The following STAU2 variants were observed in gnomAD, a reference collection of about 807,000 sequenced individuals.
STAU2 encodes the protein double-stranded RNA-binding protein Staufen homolog 2.
A neutral mutation model predicts 65.9 loss-of-function variants in STAU2; 20 were observed. The observed-to-expected ratio is 0.30, with a 90% CI of 0.21 to 0.44. The LOEUF is 0.44. Among genes scored for constraint, STAU2 ranks in the 20% least tolerant of loss-of-function variants. The pLI, the probability that STAU2 is intolerant of heterozygous loss-of-function variation, is 1.00. For missense variants in STAU2, 558 were observed against 683.9 expected, an observed-to-expected ratio of 0.82 and a Z score of 2.05; for synonymous variants, 232 against 233.9, an observed-to-expected ratio of 0.99 and a Z score of 0.07.
chr8:73,655,326 T>C (rs1308267262), intron 6 of STAU2, among the ~76,000 whole-genome samples: 4 of 152,220 alleles, frequency 2.6e-5, no homozygotes, highest in African/African-American at 9.6e-5. Flanking sequence ...TGAACTATCA[T>C]AGCAAGCTGA....
chr8:73,703,064 G>C (rs568941856), intron 4 of STAU2, among the ~76,000 whole-genome samples: 1 of 152,170 alleles, frequency 6.6e-6, no homozygotes, highest in Non-Finnish European at 1.5e-5. Flanking sequence ...AAATAAAATA[G>C]AGAAAGAGAA....
At chr8:73,472,953 G>A (rs983630986) in intron 13 of STAU2, among the ~76,000 whole-genome samples, 10 of 152,110 alleles carry the variant, frequency 6.6e-5, no homozygotes, top group Admixed American at 3.3e-4. Context: ...TTATGAAGGG[G>A]AAATGACTCA....
At chr8:73,471,750 G>A (rs1046630727) in intron 13 of STAU2, among the ~76,000 whole-genome samples, 19 of 144,462 alleles carry the variant, frequency 1.3e-4, no homozygotes, top group Non-Finnish European at 2.4e-4. Flanking sequence ...CCTGGGAGGC[G>A]GAGGTTGTAG....
rs559969547 is a variant in STAU2 at position 73,421,324 on chromosome 8, C to T, written c.*48G>A. ...CTGAACACAGACACCCTCATGCGTGCTGACAGGTTTATAAGGATGCGGTGG... is the reference window on the plus strand; with the variant it reads ...CTGAACACAGACACCCTCATGCGTGTTGACAGGTTTATAAGGATGCGGTGG... On this transcript the variant is annotated 3_prime_UTR_variant, in exon 15 of 15. Transcript: ENST00000524300. The T allele has an allele frequency of 1.3e-6, 2 of 1,488,456 alleles. No individual in the cohort carries two copies. Among genetic ancestry groups the T allele is most frequent in the African/African-American group, 2.8e-5 (2 of 72,128 alleles). The allele number at this position is 1,488,456 out of a possible 1,614,324, so 92.2% of individuals were successfully genotyped here. A position where few individuals can be genotyped will look rare whatever the true frequency, so the allele number is the denominator to read the frequency against.
intron 9 of STAU2, 45 bp downstream of exon 9, chr8:73,613,699 T>C: frequency 6.9e-7 from 1 of 1,452,186 alleles, no homozygotes; most frequent in Non-Finnish European, 9.4e-7. Context: ...GCTACTATAA[T>C]ATTTATTTAG....
At chr8:73,508,433 C>T (rs1822191313) in intron 13 of STAU2, among the ~76,000 whole-genome samples, 1 of 152,134 alleles carries the variant, frequency 6.6e-6, no homozygotes, top group Non-Finnish European at 1.5e-5. Flanking sequence ...TTATAAAGTT[C>T]ACCATCTTAT....
In STAU2 at chr8:73,460,870, G is replaced by A. The variant is rs141026313; in HGVS notation, c.1531-38168C>T. Reference sequence around the variant, plus strand: ...CTTCAGATTTCTCATACGCTTCTGAGAGCAATTCATTCCAATGGTTTAGCC... The same window carrying A: ...CTTCAGATTTCTCATACGCTTCTGAAAGCAATTCATTCCAATGGTTTAGCC... On this transcript the variant is annotated intron_variant, in intron 13 of 14. Coordinates refer to ENST00000524300, the MANE Select transcript of STAU2 (RefSeq NM_001164380.2). Among the ~76,000 whole-genome samples, 1,243 of 152,256 alleles carry A rather than the reference G, an allele frequency of 8.2e-3. 23 individuals are homozygous for A. Among genetic ancestry groups the A allele is most frequent in the African/African-American group, 0.028 (1,152 of 41,524 alleles).
At chr8:73,713,165 A>C (rs1821013915) in intron 3 of STAU2, among the ~76,000 whole-genome samples, 1 of 152,242 alleles carries the variant, frequency 6.6e-6, no homozygotes, top group South Asian at 2.1e-4. Context: ...CACTGGTAAA[A>C]TACATATTTA....
At chr8:73,637,789 C>T (rs1465612992) in intron 6 of STAU2, among the ~76,000 whole-genome samples, 1 of 151,838 alleles carries the variant, frequency 6.6e-6, no homozygotes, top group East Asian at 1.9e-4. Context: ...AAATTCAAGA[C>T]CTTTTTCTCT....
rs1032582133 is a variant in STAU2, at chr8:73,549,413, C to T, written c.1530+2599G>A. 3.9e-5 allele frequency among the ~76,000 whole-genome samples: 6 copies of T among 152,184 alleles called. 1 individual carries two copies. Among genetic ancestry groups the T allele is most frequent in the Admixed American group, 1.3e-4 (2 of 15,286 alleles). ...GAACTGCTGAGAATGTGTAAGTGTT[C>T]GGTCACATTCTGCTCTCTTAAGTCA... On this transcript the variant is annotated intron_variant, in intron 13 of 14. Transcript: ENST00000524300.
At chr8:73,440,257 C>T (rs897786749) in intron 13 of STAU2, 3 of 152,222 alleles carry the variant, frequency 2.0e-5, no homozygotes, top group Admixed American at 2.0e-4. Flanking sequence ...GCTTAAATCC[C>T]TTAGAAATAC....
chr8:73,521,849 T>C (rs1393820127), intron 13 of STAU2, among the ~76,000 whole-genome samples: 1 of 152,238 alleles, frequency 6.6e-6, no homozygotes, highest in African/African-American at 2.4e-5. Flanking sequence ...ATTTGTAATA[T>C]ATGAAATATG....
intron 13 of STAU2, among the ~76,000 whole-genome samples, chr8:73,545,294 G>A (rs948895058): frequency 2.0e-5 from 3 of 152,050 alleles, no homozygotes; most frequent in African/African-American, 7.3e-5. Context: ...GTCTTGCTCT[G>A]TCTGTTGTCC....
intron 6 of STAU2, among the ~76,000 whole-genome samples, chr8:73,622,317 A>G (rs954359086): frequency 1.2e-4 from 18 of 151,538 alleles, no homozygotes; most frequent in African/African-American, 7.3e-5. Flanking sequence ...TAGTAGAGAC[A>G]GGGTTTCACT....
At chr8:73,630,422 G>C (rs888159826) in intron 6 of STAU2, among the ~76,000 whole-genome samples, 1 of 152,208 alleles carries the variant, frequency 6.6e-6, no homozygotes, top group African/African-American at 2.4e-5. Flanking sequence ...ACCACACATA[G>C]GAAGAGGCTG....
At chr8:73,671,862 CTAA>C (rs1817705808) in intron 6 of STAU2, among the ~76,000 whole-genome samples, 1 of 151,922 alleles carries the variant, frequency 6.6e-6, no homozygotes, top group Non-Finnish European at 1.5e-5. Context: ...CCCATCTCTA[CTAA>C]AATACAAAAA....
At chr8:73,660,630 C>T (rs1041860030) in intron 6 of STAU2, among the ~76,000 whole-genome samples, 1 of 152,288 alleles carries the variant, frequency 6.6e-6, no homozygotes, top group Admixed American at 6.5e-5. Flanking sequence ...GCTTGAATGG[C>T]TATCAAGCTA....
rs765280495 is a variant in STAU2 at position 73,646,371 on chromosome 8, G to A, written c.410+26736C>T. On this transcript the variant is annotated intron_variant, in intron 6 of 14. Coordinates refer to ENST00000524300, the MANE Select transcript of STAU2 (RefSeq NM_001164380.2). ...TCAGTAATAACACTGTGAGGAGTTGGCAGAGACACAGAGTTCAACAGAACG... is the reference window on the plus strand; with the variant it reads ...TCAGTAATAACACTGTGAGGAGTTGACAGAGACACAGAGTTCAACAGAACG... Among the ~76,000 whole-genome samples the A allele has an allele frequency of 2.0e-5, 3 of 152,240 alleles. No homozygotes were observed. In the South Asian group the frequency reaches 6.2e-4, roughly 32 times the overall value.
At chr8:73,487,715 G>T (rs1820986034) in intron 13 of STAU2, among the ~76,000 whole-genome samples, 1 of 151,960 alleles carries the variant, frequency 6.6e-6, no homozygotes, top group Non-Finnish European at 1.5e-5. Context: ...TATCAATGTT[G>T]AACAATGGTT....
Sources: gnomAD v4.1 joint callset for allele counts (sites outside exome capture counted in the v4.1 genomes callset) on GRCh38, gnomAD v4.1.1 for gene constraint, MANE v1.5 for transcripts, NCBI Gene and HGNC (gene_info 2026-07-23, HGNC 2026-07-21) for gene names.